Variants in SERTM1 observed in about 807,000 individuals in gnomAD.
SERTM1 encodes the protein serine-rich and transmembrane domain-containing protein 1.
SERTM1 carries 1 observed loss-of-function variant against 5.5 expected under a neutral mutation model. That is an observed-to-expected ratio of 0.18 (90% CI 0.06 to 0.86). The LOEUF is 0.86. SERTM1 is among the 40% of genes least tolerant of loss of function. The pLI, the probability that SERTM1 is intolerant of heterozygous loss-of-function variation, is 0.69. For missense variants in SERTM1, 91 were observed against 122.4 expected (o/e 0.74, Z 1.21); for synonymous variants, 52 against 55.1 (o/e 0.94, Z 0.25).
chr13:36,674,240 G>A (rs1297710459), intron 1 of SERTM1, 56 bp downstream of exon 1: 2 of 152,128 alleles, frequency 1.3e-5, no homozygotes, highest in African/African-American at 2.4e-5. Context: ...TGCCCTACGC[G>A]GAGAGCGCCC....
Position 36,695,480 on chromosome 13 carries a change from T to C in SERTM1, c.*78T>C, listed in dbSNP as rs2056807504. On this transcript the variant is annotated 3_prime_UTR_variant, in exon 2 of 2. Coordinates refer to ENST00000315190, the MANE Select transcript of SERTM1 (RefSeq NM_203451.3). ...AAGTGTCCCGTGAGGCATTGCCTCA[T>C]GAAAGAAATGATCCTTTTGGTGTAG... The C allele has an allele frequency of 2.0e-6, 2 of 993,598 alleles. No homozygotes were observed. The highest frequency in any genetic ancestry group is 3.1e-6 in the Non-Finnish European group (2 of 653,370). The allele number at this position is 993,598 out of a possible 1,614,324, so 61.5% of individuals were successfully genotyped here.
intron 1 of SERTM1, among the ~76,000 whole-genome samples, chr13:36,692,367 C>T (rs1197065638): frequency 6.6e-6 from 1 of 152,202 alleles, no homozygotes; most frequent in East Asian, 1.9e-4. Flanking sequence ...AACAAGAGGT[C>T]TGGTAGCCAG....
At chr13:36,675,867 G>T (rs2056666654) in intron 1 of SERTM1, among the ~76,000 whole-genome samples, 1 of 152,122 alleles carries the variant, frequency 6.6e-6, no homozygotes, top group Non-Finnish European at 1.5e-5. Flanking sequence ...ACGTGGGTGG[G>T]ATATTCCATT....
At chr13:36,694,393 A>G (rs1476771250) in intron 1 of SERTM1, among the ~76,000 whole-genome samples, 1 of 152,246 alleles carries the variant, frequency 6.6e-6, no homozygotes, top group Non-Finnish European at 1.5e-5. Context: ...ATGGCACCTG[A>G]TTTCAAGGAG....
At chr13:36,677,684 C>T (rs1029606478) in intron 1 of SERTM1, among the ~76,000 whole-genome samples, 7 of 152,166 alleles carry the variant, frequency 4.6e-5, no homozygotes, top group East Asian at 3.9e-4. Flanking sequence ...GAACATTCAA[C>T]GTATAGATTC....
intron 1 of SERTM1, among the ~76,000 whole-genome samples, chr13:36,676,270 A>G (rs1030196317): frequency 3.3e-5 from 5 of 151,944 alleles, no homozygotes; most frequent in African/African-American, 1.2e-4. Context: ...TTATACGTTC[A>G]TTATAAAAAA....
intron 1 of SERTM1, among the ~76,000 whole-genome samples, chr13:36,680,799 C>T (rs1266303211): frequency 6.6e-6 from 1 of 152,170 alleles, no homozygotes; most frequent in Non-Finnish European, 1.5e-5. Context: ...TGTTGCCAGG[C>T]TGGAGTGCAG....
intron 1 of SERTM1, among the ~76,000 whole-genome samples, chr13:36,676,071 C>T (rs1321749767): frequency 6.6e-6 from 1 of 152,098 alleles, no homozygotes; most frequent in East Asian, 1.9e-4. Context: ...TTTGGACAAG[C>T]ACATCAGGGG....
At chr13:36,677,705 G>A (rs1236235378) in intron 1 of SERTM1, among the ~76,000 whole-genome samples, 3 of 152,134 alleles carry the variant, frequency 2.0e-5, no homozygotes, top group African/African-American at 7.2e-5. Context: ...ACTTCCCAGG[G>A]GAGGCCAATA....
intron 1 of SERTM1, among the ~76,000 whole-genome samples, chr13:36,676,149 C>T (rs928788390): frequency 1.3e-5 from 2 of 152,012 alleles, no homozygotes; most frequent in African/African-American, 4.8e-5. Context: ...TTGCAGGTTT[C>T]CTGGGTTTCT....
At chr13:36,687,760 C>A (rs61617050) in intron 1 of SERTM1, among the ~76,000 whole-genome samples, 18,693 of 151,980 alleles carry the variant, frequency 0.12, 1,267 homozygotes, top group East Asian at 0.3. Flanking sequence ...CACACACACA[C>A]GCACACAACA....
At chr13:36,677,411 A>T (rs1440551761) in intron 1 of SERTM1, among the ~76,000 whole-genome samples, 1 of 152,132 alleles carries the variant, frequency 6.6e-6, no homozygotes, top group Non-Finnish European at 1.5e-5. Context: ...CCCAACTATT[A>T]AGCTATATTA....
In SERTM1 at chr13:36,683,824, G is replaced by A. The variant is rs139144548; in HGVS notation, c.-174+9640G>A. On this transcript the variant is annotated intron_variant, in intron 1 of 1. Transcript: ENST00000315190. ...ATCCTACGACAGGCCTACGAGAAGGGACATCAGAAATATTTCGTGAACAGC... is the reference window on the plus strand; with the variant it reads ...ATCCTACGACAGGCCTACGAGAAGGAACATCAGAAATATTTCGTGAACAGC... Among the ~76,000 whole-genome samples, 199 of 152,284 alleles carry A rather than the reference G, an allele frequency of 1.3e-3. 1 individual carries two copies. Among genetic ancestry groups the A allele is most frequent in the African/African-American group, 4.6e-3 (191 of 41,566 alleles).
Position 36,697,472 on chromosome 13 carries a change from A to AT in SERTM1, c.*2079dup, listed in dbSNP as rs60491115. 142,745 of 164,088 alleles carry AT rather than the reference A, an allele frequency of 0.87. 62,174 individuals are homozygous for AT. Among genetic ancestry groups the AT allele is most frequent in the East Asian group, 1 (5,124 of 5,134 alleles). 10.2% of individuals were successfully genotyped at this position (164,088 alleles called of 1,614,324 possible). A position where few individuals can be genotyped will look rare whatever the true frequency, so the allele number is the denominator to read the frequency against. On this transcript the variant is annotated 3_prime_UTR_variant, in exon 2 of 2. Coordinates refer to ENST00000315190, the MANE Select transcript of SERTM1 (RefSeq NM_203451.3). ...GAGAAACAAGGACATGGATGAAGTG[A>AT]TTTTTTTTTAAATAAAAGGACAAAT...
At chr13:36,690,874 G>A (rs544759449) in intron 1 of SERTM1, among the ~76,000 whole-genome samples, 2 of 152,280 alleles carry the variant, frequency 1.3e-5, no homozygotes, top group African/African-American at 4.8e-5. Context: ...GAGTATGACA[G>A]CAGAACCTGA....
intron 1 of SERTM1, among the ~76,000 whole-genome samples, chr13:36,685,254 C>T (rs929061544): frequency 4.6e-5 from 7 of 152,298 alleles, no homozygotes; most frequent in East Asian, 1.9e-4. Flanking sequence ...CAGGCTCGGC[C>T]GCTGTGTTCA....
Position 36,695,629 on chromosome 13 carries a change from A to G in SERTM1, c.*227A>G. 1 of 580,626 alleles carries G rather than the reference A, an allele frequency of 1.7e-6. No individual in the cohort carries two copies. Among genetic ancestry groups the G allele is most frequent in the Non-Finnish European group, 3.1e-6 (1 of 320,900 alleles). The allele number at this position is 580,626 out of a possible 1,614,324, so 36.0% of individuals were successfully genotyped here. Reference sequence around the variant, plus strand: ...CCCCAAGGTGCAGAATTTCACACAAATGGCTTGATGAATCTAGACTGGGCT... The same window carrying G: ...CCCCAAGGTGCAGAATTTCACACAAGTGGCTTGATGAATCTAGACTGGGCT... On this transcript the variant is annotated 3_prime_UTR_variant, in exon 2 of 2. Transcript: ENST00000315190.
At chr13:36,689,796 A>G (rs1455380430) in intron 1 of SERTM1, among the ~76,000 whole-genome samples, 1 of 151,864 alleles carries the variant, frequency 6.6e-6, no homozygotes, top group East Asian at 1.9e-4. Flanking sequence ...AGTGCAAAAT[A>G]AGTTCTCTAA....
chr13:36,688,974 C>T (rs2056760172), intron 1 of SERTM1, among the ~76,000 whole-genome samples: 1 of 152,122 alleles, frequency 6.6e-6, no homozygotes, highest in Non-Finnish European at 1.5e-5. Context: ...AAGATGGGTC[C>T]AGTCTCCCTG....
Sources: allele counts gnomAD v4.1 joint callset (sites outside exome capture counted in the v4.1 genomes callset), GRCh38; gene constraint gnomAD v4.1.1; transcripts MANE v1.5; gene names NCBI Gene and HGNC (gene_info 2026-07-23, HGNC 2026-07-21).